Variants in ZNF385D observed in about 807,000 individuals in gnomAD.
ZNF385D encodes zinc finger protein 659.
Under a neutral mutation model 35.8 loss-of-function variants are expected in ZNF385D, and 15 were observed. That is an observed-to-expected ratio of 0.42 (90% CI 0.28 to 0.64). The LOEUF is 0.64. ZNF385D is among the 30% of genes least tolerant of loss of function. The probability of loss-of-function intolerance (pLI) is 0.23; values close to 1 mark genes in which losing one functional copy is unlikely to be tolerated. For missense variants in ZNF385D, 474 were observed against 494.6 expected (o/e 0.96, Z 0.39); for synonymous variants, 212 against 186.8 (o/e 1.13, Z -1.10).
Position 21,955,046 on chromosome 3 carries a change from G to T in ZNF385D, c.325+213771C>A, listed in dbSNP as rs141302828. On this transcript the variant is annotated intron_variant, in intron 3 of 5. Coordinates refer to the ZNF385D transcript ENST00000494108. ...TTTAACTTTTATTGTAAAAAGTCAA[G>T]GTTTTTTATCGTTACCAACAGATGT... Among the ~76,000 whole-genome samples the T allele has an allele frequency of 2.5e-3, 377 of 152,190 alleles. 1 individual carries two copies. The highest frequency in any genetic ancestry group is 8.6e-3 in the African/African-American group (359 of 41,522).
chr3:22,097,484 A>C (rs1191471510), intron 3 of ZNF385D, among the ~76,000 whole-genome samples: 2 of 152,024 alleles, frequency 1.3e-5, no homozygotes, highest in Non-Finnish European at 1.5e-5. Flanking sequence ...TTGAGAGAAA[A>C]GTTATCACTG....
intron 2 of ZNF385D, among the ~76,000 whole-genome samples, chr3:21,580,340 A>G (rs894168449): frequency 7.2e-5 from 11 of 152,194 alleles, no homozygotes; most frequent in African/African-American, 2.7e-4. Flanking sequence ...TAAGTAGTGT[A>G]CCAATTAATG....
At chr3:21,438,527 G>A (rs1701690740) in intron 4 of ZNF385D, among the ~76,000 whole-genome samples, 1 of 152,110 alleles carries the variant, frequency 6.6e-6, no homozygotes, top group Non-Finnish European at 1.5e-5. Flanking sequence ...CAGGCATAGG[G>A]GTGAAAATAT....
chr3:22,249,335 T>A (rs1354210407), intron 2 of ZNF385D, among the ~76,000 whole-genome samples: 4 of 152,288 alleles, frequency 2.6e-5, no homozygotes, highest in African/African-American at 9.6e-5. Flanking sequence ...GTCTTGATCA[T>A]AGTAGGCACT....
chr3:22,009,269 C>A (rs1343996712), intron 3 of ZNF385D, among the ~76,000 whole-genome samples: 1 of 145,982 alleles, frequency 6.9e-6, no homozygotes, highest in African/African-American at 2.5e-5. Flanking sequence ...TATCCATCAA[C>A]AGGAGAATAA....
At chr3:21,677,906 C>A (rs762588702) in intron 1 of ZNF385D, among the ~76,000 whole-genome samples, 1 of 151,932 alleles carries the variant, frequency 6.6e-6, no homozygotes, top group Admixed American at 6.6e-5. Context: ...TTTTAATGCT[C>A]GTTCTTTGTA....
chr3:21,426,679 T>C (rs993524245), intron 5 of ZNF385D, among the ~76,000 whole-genome samples: 1 of 152,142 alleles, frequency 6.6e-6, no homozygotes, highest in Non-Finnish European at 1.5e-5. Flanking sequence ...ATGGATTAGA[T>C]TGTACGTTCG....
At chr3:21,890,672 G>A (rs920228704) in intron 3 of ZNF385D, among the ~76,000 whole-genome samples, 1 of 152,094 alleles carries the variant, frequency 6.6e-6, no homozygotes, top group African/African-American at 2.4e-5. Context: ...AAGTTACGGT[G>A]ACACAGACAG....
intron 3 of ZNF385D, among the ~76,000 whole-genome samples, chr3:21,795,831 T>C (rs909580227): frequency 6.6e-5 from 10 of 152,222 alleles, no homozygotes; most frequent in Non-Finnish European, 1.5e-4. Flanking sequence ...AGAAGAAGAA[T>C]GACAGGCGCT....
At chr3:21,608,956 CAAT>C (rs2064582343) in intron 2 of ZNF385D, among the ~76,000 whole-genome samples, 1 of 152,094 alleles carries the variant, frequency 6.6e-6, no homozygotes, top group Admixed American at 6.6e-5. Flanking sequence ...AACATGTTGT[CAAT>C]AATAAGTCAG....
intron 3 of ZNF385D, among the ~76,000 whole-genome samples, chr3:21,860,026 C>T (rs987733915): frequency 6.6e-6 from 1 of 151,992 alleles, no homozygotes; most frequent in Middle Eastern, 3.2e-3. Context: ...AAACTTGGAA[C>T]CCACTTTTTT....
Position 22,070,775 on chromosome 3 carries a change from C to A in ZNF385D, c.325+98042G>T, listed in dbSNP as rs150986370. Among the ~76,000 whole-genome samples, 1,253 of 152,204 alleles carry A rather than the reference C, an allele frequency of 8.2e-3. 23 individuals are homozygous for A. The highest frequency in any genetic ancestry group is 0.028 in the African/African-American group (1,149 of 41,532). Reference sequence around the variant, plus strand: ...GTTGTGAAAGTAAGTCATGAAATCTCAGAAAGCATTAAAATTAATGAACAA... The same window carrying A: ...GTTGTGAAAGTAAGTCATGAAATCTAAGAAAGCATTAAAATTAATGAACAA... On this transcript the variant is annotated intron_variant, in intron 3 of 5. Transcript: ENST00000494108.
At chr3:21,832,635 C>A (rs1439350591) in intron 3 of ZNF385D, among the ~76,000 whole-genome samples, 2 of 152,172 alleles carry the variant, frequency 1.3e-5, no homozygotes, top group Non-Finnish European at 2.9e-5. Context: ...TATTCAACTT[C>A]ACATTCTTGG....
intron 3 of ZNF385D, among the ~76,000 whole-genome samples, chr3:21,898,594 G>A (rs982716970): frequency 3.3e-5 from 5 of 152,090 alleles, no homozygotes; most frequent in East Asian, 1.9e-4. Context: ...AGTTGTAAAT[G>A]CAACATCTCT....
At chr3:22,348,085 T>G (rs936575601) in intron 2 of ZNF385D, among the ~76,000 whole-genome samples, 1 of 152,160 alleles carries the variant, frequency 6.6e-6, no homozygotes, top group African/African-American at 2.4e-5. Flanking sequence ...ATACATTTTT[T>G]AACTGGTACC....
intron 5 of ZNF385D, among the ~76,000 whole-genome samples, chr3:21,426,334 C>A (rs1701025331): frequency 6.6e-6 from 1 of 151,984 alleles, no homozygotes; most frequent in Non-Finnish European, 1.5e-5. Context: ...GACTCGTAAC[C>A]CAAGCATATA....
intron 1 of ZNF385D, 52 bp downstream of exon 1, chr3:21,750,843 C>A: frequency 2.5e-6 from 4 of 1,609,208 alleles, no homozygotes; most frequent in Non-Finnish European, 8.5e-7. Context: ...CTTGTCTGCA[C>A]GGATGAAGAG....
intron 3 of ZNF385D, among the ~76,000 whole-genome samples, chr3:22,081,930 T>C (rs1215970566): frequency 6.6e-6 from 1 of 152,078 alleles, no homozygotes; most frequent in East Asian, 1.9e-4. Flanking sequence ...CTTAAAGCTA[T>C]TGCTTCCCTC....
chr3:21,471,981 G>T (rs1342532140), intron 4 of ZNF385D, among the ~76,000 whole-genome samples: 2 of 152,114 alleles, frequency 1.3e-5, no homozygotes, highest in African/African-American at 2.4e-5. Context: ...GAGAAAATTT[G>T]TGTTTATGTG....
Sources: gnomAD v4.1 joint callset for allele counts (sites outside exome capture counted in the v4.1 genomes callset) on GRCh38, gnomAD v4.1.1 for gene constraint, MANE v1.5 for transcripts, NCBI Gene and HGNC (gene_info 2026-07-23, HGNC 2026-07-21) for gene names.